Variants in GDAP1 observed in about 807,000 individuals in gnomAD.
GDAP1 encodes ganglioside-induced differentiation-associated protein 1.
A neutral mutation model predicts 40.1 loss-of-function variants in GDAP1; 34 were observed. The observed-to-expected ratio is 0.85, with a 90% CI of 0.64 to 1.13. GDAP1 has a LOEUF of 1.13. Ranked by LOEUF, GDAP1 falls within the 50% of genes most tolerant of loss-of-function variation. GDAP1 has a pLI of 0.00. For synonymous variants in GDAP1, 170 were observed against 157.4 expected (o/e 1.08, Z -0.60); for missense variants, 374 against 433.7 (o/e 0.86, Z 1.22).
At chr8:74,371,089 A>C (rs1809741033), downstream of GDAP1, among the ~76,000 whole-genome samples, 1 of 152,226 alleles carries the variant, frequency 6.6e-6, no homozygotes, top group South Asian at 2.1e-4. Flanking sequence ...GCACACTGTC[A>C]GCCAACTTGA....
At chr8:74,450,578 T>C (rs577002700) in intron 2 of GDAP1, among the ~76,000 whole-genome samples, 62 of 152,092 alleles carry the variant, frequency 4.1e-4, no homozygotes, top group African/African-American at 1.1e-3. Context: ...TTTTGAAGTC[T>C]ACTTTTTTAT....
At chr8:74,367,550 G>A (rs1271339259), downstream of GDAP1, among the ~76,000 whole-genome samples, 3 of 152,056 alleles carry the variant, frequency 2.0e-5, no homozygotes, top group East Asian at 5.8e-4. Context: ...GTAAAGACAT[G>A]AAGGTGAAAT....
intron 2 of GDAP1, among the ~76,000 whole-genome samples, chr8:74,384,174 G>T (rs1229143404): frequency 1.3e-5 from 2 of 151,984 alleles, no homozygotes; most frequent in African/African-American, 2.4e-5. Flanking sequence ...AATATATAAT[G>T]TAAGTTAACA....
At chr8:74,386,306 G>A (rs1220261115) in intron 2 of GDAP1, among the ~76,000 whole-genome samples, 2 of 152,104 alleles carry the variant, frequency 1.3e-5, no homozygotes, top group African/African-American at 2.4e-5. Context: ...TTCCTCTAGG[G>A]TTTTTGTGAT....
rs186678419 is a variant in GDAP1 at position 74,372,235 on chromosome 8, G to T, written c.165+20914G>T. 5.3e-4 allele frequency among the ~76,000 whole-genome samples: 81 copies of T among 152,308 alleles called. No homozygotes were observed. In the East Asian group the frequency reaches 0.013, roughly 25 times the overall value. On this transcript the variant is annotated intron_variant, in intron 2 of 2. Coordinates refer to the GDAP1 transcript ENST00000523640. Reference sequence around the variant, plus strand: ...ATAGTGCCGCAATAAACATATGTGTGCATGTGTCTTTATAGCAGCATGATT... The same window carrying T: ...ATAGTGCCGCAATAAACATATGTGTTCATGTGTCTTTATAGCAGCATGATT...
intron 2 of GDAP1, among the ~76,000 whole-genome samples, chr8:74,427,802 T>C (rs4467929): frequency 0.28 from 42,167 of 152,100 alleles, 6,262 homozygotes; most frequent in Middle Eastern, 0.44. Flanking sequence ...GATATGTACT[T>C]TTCTCTCCAC....
intron 2 of GDAP1, among the ~76,000 whole-genome samples, chr8:74,410,152 G>C (rs546052431): frequency 2.0e-5 from 3 of 150,050 alleles, no homozygotes; most frequent in Non-Finnish European, 4.4e-5. Context: ...CCTGTCTCTT[G>C]AATCAGTTAA....
intron 2 of GDAP1, among the ~76,000 whole-genome samples, chr8:74,418,445 A>G (rs1465450038): frequency 6.6e-6 from 1 of 152,216 alleles, no homozygotes; most frequent in African/African-American, 2.4e-5. Context: ...AGATATTATA[A>G]TGTTTTTGGC....
At chr8:74,357,061 G>T (rs956756955) in intron 2 of GDAP1, among the ~76,000 whole-genome samples, 1 of 151,982 alleles carries the variant, frequency 6.6e-6, no homozygotes, top group African/African-American at 2.4e-5. Context: ...CTAGTTGAAG[G>T]GTACAATATT....
rs139446323 is a variant in GDAP1 at position 74,419,205 on chromosome 8, G to A, written c.165+67884G>A. On this transcript the variant is annotated intron_variant, in intron 2 of 2. Coordinates refer to the GDAP1 transcript ENST00000523640. The stretch of plus-strand genomic sequence containing the variant: ...CTACTGTAGAGAAACAAAAACTTGT[G>A]TTCACACAAAACGCTTATATAAATG... Among the ~76,000 whole-genome samples the A allele has an allele frequency of 1.3e-3, 191 of 152,262 alleles. 1 individual carries two copies. The Middle Eastern group carries it at 0.014, about 11-fold the overall frequency.
intron 2 of GDAP1, among the ~76,000 whole-genome samples, chr8:74,397,567 T>G (rs559842683): frequency 1.7e-3 from 253 of 152,320 alleles, no homozygotes; most frequent in Non-Finnish European, 2.8e-3. Flanking sequence ...TTCAGCTTTC[T>G]ACATATGGCT....
chr8:74,428,101 G>T (rs943026669), intron 2 of GDAP1, among the ~76,000 whole-genome samples: 1 of 152,004 alleles, frequency 6.6e-6, no homozygotes, highest in African/African-American at 2.4e-5. Flanking sequence ...CTAAAGAATG[G>T]TCACCCAGAA....
chr8:74,485,739 C>G (rs750846858), intron 2 of GDAP1, among the ~76,000 whole-genome samples: 7 of 151,898 alleles, frequency 4.6e-5, no homozygotes, highest in Non-Finnish European at 8.8e-5. Flanking sequence ...ATATACATGG[C>G]AATTTTGTGC....
At chr8:74,460,787 G>C (rs1806391671) in intron 2 of GDAP1, among the ~76,000 whole-genome samples, 3 of 145,070 alleles carry the variant, frequency 2.1e-5, no homozygotes, top group African/African-American at 7.3e-5. Context: ...TGAATATACA[G>C]AGAAAGAGAG....
chr8:74,467,450 G>GAAA (rs1483252055), intron 2 of GDAP1, among the ~76,000 whole-genome samples: 3 of 152,200 alleles, frequency 2.0e-5, no homozygotes, highest in African/African-American at 7.2e-5. Flanking sequence ...GAGGGCAAGG[G>GAAA]GTTTGAGGGC....
At chr8:74,484,808 C>T (rs946956950) in intron 2 of GDAP1, among the ~76,000 whole-genome samples, 4 of 152,076 alleles carry the variant, frequency 2.6e-5, no homozygotes, top group Non-Finnish European at 4.4e-5. Flanking sequence ...TCCTAAAAGT[C>T]CATAAACCTA....
At chr8:74,413,064 T>TAAAAA (rs1805734747) in intron 2 of GDAP1, among the ~76,000 whole-genome samples, 2 of 398 alleles carry the variant, frequency 5.0e-3, no homozygotes, top group Non-Finnish European at 5.1e-3. Context: ...AGACTCTGTC[T>TAAAAA]CAAAAAAAAA....
intron 2 of GDAP1, among the ~76,000 whole-genome samples, chr8:74,356,676 G>GTGTGTGTGTC (rs1344837808): frequency 7.2e-6 from 1 of 138,672 alleles, no homozygotes; most frequent in East Asian, 2.1e-4. Context: ...GTGTGTGTGT[G>GTGTGTGTGTC]TGTGTGTGTG....
At chr8:74,356,273 G>T (rs1339802093) in intron 2 of GDAP1, among the ~76,000 whole-genome samples, 1 of 152,100 alleles carries the variant, frequency 6.6e-6, no homozygotes, top group African/African-American at 2.4e-5. Flanking sequence ...TAGCAGACAG[G>T]TTGGGGGTAT....
Sources: gnomAD v4.1 joint callset for allele counts (sites outside exome capture counted in the v4.1 genomes callset) on GRCh38, gnomAD v4.1.1 for gene constraint, MANE v1.5 for transcripts, NCBI Gene and HGNC (gene_info 2026-07-23, HGNC 2026-07-21) for gene names.